Variants in ANKRD6 observed in about 807,000 individuals in gnomAD.
ANKRD6 encodes the protein ankyrin repeat domain-containing protein 6.
A neutral mutation model predicts 82.3 loss-of-function variants in ANKRD6; 56 were observed. The observed-to-expected ratio is 0.68, with a 90% CI of 0.55 to 0.85. The LOEUF is 0.85. Ranked by LOEUF, ANKRD6 falls within the 40% of genes least tolerant of loss-of-function variation. The pLI is 0.00. For synonymous variants in ANKRD6, 347 were observed against 352.1 expected (o/e 0.99, Z 0.16); for missense variants, 852 against 907.6 (o/e 0.94, Z 0.79).
At chr6:89,473,358 G>A (rs1261480206) in intron 1 of ANKRD6, among the ~76,000 whole-genome samples, 2 of 150,022 alleles carry the variant, frequency 1.3e-5, no homozygotes, top group Admixed American at 6.6e-5. Flanking sequence ...AGCCAAGATC[G>A]CACCATTGCA....
rs1446783437 is a variant in ANKRD6, at chr6:89,513,646, T to C, written c.-143-53188T>C. Among the ~76,000 whole-genome samples the C allele has an allele frequency of 3.3e-5, 5 of 152,192 alleles. No individual in the cohort carries two copies. In the East Asian group the frequency reaches 7.7e-4, roughly 23 times the overall value. On this transcript the variant is annotated intron_variant, in intron 1 of 15. Coordinates refer to ENST00000339746, the MANE Select transcript of ANKRD6 (RefSeq NM_001242809.2). The stretch of plus-strand genomic sequence containing the variant: ...TTGGTTGTTTTACAGTTTTAAAAAA[T>C]TATCTGTATTTTAAATTTCATTTTC...
Position 89,512,154 on chromosome 6 carries a change from A to C in ANKRD6, c.-143-54680A>C, listed in dbSNP as rs1055171843. Among the ~76,000 whole-genome samples, 3 of 152,172 alleles carry C rather than the reference A, an allele frequency of 2.0e-5. No homozygotes were observed. In the East Asian group the frequency reaches 5.8e-4, roughly 29 times the overall value. ...GAGAAGTCAACATGAAAGCAGTTAC[A>C]AGGTCATATGATAAGCCTGTATGGG... On this transcript the variant is annotated intron_variant, in intron 1 of 15. Transcript: ENST00000339746.
chr6:89,550,182 G>GTA (rs766814394), intron 1 of ANKRD6, among the ~76,000 whole-genome samples: 39 of 151,706 alleles, frequency 2.6e-4, no homozygotes, highest in Non-Finnish European at 4.1e-4. Flanking sequence ...GGTATATATG[G>GTA]TATATATATA....
chr6:89,482,336 C>A (rs1484183211), intron 1 of ANKRD6, among the ~76,000 whole-genome samples: 1 of 152,214 alleles, frequency 6.6e-6, no homozygotes, highest in Non-Finnish European at 1.5e-5. Flanking sequence ...TTTATAATTT[C>A]AGAAATGACT....
At chr6:89,612,786 A>AGTGAG (rs1800541226) in intron 6 of ANKRD6, among the ~76,000 whole-genome samples, 2 of 152,210 alleles carry the variant, frequency 1.3e-5, no homozygotes, top group South Asian at 4.1e-4. Flanking sequence ...CAGCATCTAT[A>AGTGAG]GCGAGCAGGT....
chr6:89,591,624 A>T (rs991852665), intron 2 of ANKRD6, among the ~76,000 whole-genome samples: 2 of 152,104 alleles, frequency 1.3e-5, no homozygotes, highest in Non-Finnish European at 2.9e-5. Context: ...TATGTGCTGG[A>T]TAGGGGCAGC....
chr6:89,456,845 T>G (rs79047740), intron 1 of ANKRD6, among the ~76,000 whole-genome samples: 8,737 of 152,254 alleles, frequency 0.057, 280 homozygotes, highest in South Asian at 0.13. Context: ...TACTAAGGCT[T>G]TCTAACAAAT....
chr6:89,563,492 G>A (rs1376740486), intron 1 of ANKRD6, among the ~76,000 whole-genome samples: 3 of 152,184 alleles, frequency 2.0e-5, no homozygotes, highest in African/African-American at 7.2e-5. Flanking sequence ...ATAGGCTTGG[G>A]GCAGAATACA....
chr6:89,491,099 T>A (rs1777960799), intron 1 of ANKRD6, among the ~76,000 whole-genome samples: 1 of 152,108 alleles, frequency 6.6e-6, no homozygotes, highest in African/African-American at 2.4e-5. Context: ...GGAAGGGTTC[T>A]CCCCAAGAGC....
intron 1 of ANKRD6, among the ~76,000 whole-genome samples, chr6:89,551,551 C>T (rs1785854114): frequency 1.3e-5 from 2 of 152,168 alleles, no homozygotes; most frequent in East Asian, 3.9e-4. Flanking sequence ...GACTGGGTTC[C>T]AGGCCCCTGA....
At chr6:89,615,742 C>T (rs1167093174) in intron 7 of ANKRD6, among the ~76,000 whole-genome samples, 1 of 150,972 alleles carries the variant, frequency 6.6e-6, no homozygotes, top group Non-Finnish European at 1.5e-5. Context: ...GCCTGATCAC[C>T]TGATAGGAGA....
At chr6:89,582,408 C>A (rs983307709) in intron 2 of ANKRD6, among the ~76,000 whole-genome samples, 8 of 152,138 alleles carry the variant, frequency 5.3e-5, no homozygotes, top group Non-Finnish European at 1.2e-4. Context: ...CCATGCTGGT[C>A]TTGAACTCCT....
chr6:89,557,433 A>G (rs963854470), intron 1 of ANKRD6, among the ~76,000 whole-genome samples: 5 of 152,144 alleles, frequency 3.3e-5, no homozygotes, highest in Non-Finnish European at 7.4e-5. Context: ...GGTTAGGAGA[A>G]TGAGGAGAGA....
intron 1 of ANKRD6, among the ~76,000 whole-genome samples, chr6:89,504,492 C>T (rs1779621627): frequency 1.3e-5 from 2 of 152,038 alleles, no homozygotes; most frequent in Admixed American, 1.3e-4. Flanking sequence ...CACCCTTGAA[C>T]TCCTGGGCTC....
At chr6:89,630,022 A>G (rs1247946222) in intron 15 of ANKRD6, among the ~76,000 whole-genome samples, 3 of 152,254 alleles carry the variant, frequency 2.0e-5, no homozygotes, top group Non-Finnish European at 4.4e-5. Context: ...ATAGGCCCAG[A>G]CATTAGAGAA....
intron 1 of ANKRD6, chr6:89,561,460 A>T (rs746150468): frequency 1.3e-5 from 2 of 152,214 alleles, no homozygotes; most frequent in Non-Finnish European, 2.9e-5. Flanking sequence ...GAGTGTCCTC[A>T]TAGGTAGTAC....
intron 1 of ANKRD6, among the ~76,000 whole-genome samples, chr6:89,436,547 G>A (rs1436552262): frequency 6.6e-6 from 1 of 152,150 alleles, no homozygotes; most frequent in Non-Finnish European, 1.5e-5. Flanking sequence ...CATTATGCTA[G>A]GTGAAATAAG....
At chr6:89,544,293 G>A (rs1231095128) in intron 1 of ANKRD6, among the ~76,000 whole-genome samples, 1 of 152,216 alleles carries the variant, frequency 6.6e-6, no homozygotes, top group African/African-American at 2.4e-5. Context: ...ACCAGCTTTA[G>A]GTGTCTGCCG....
intron 1 of ANKRD6, among the ~76,000 whole-genome samples, chr6:89,514,609 AT>A (rs1352642589): frequency 6.6e-6 from 1 of 152,184 alleles, no homozygotes; most frequent in African/African-American, 2.4e-5. Flanking sequence ...AGTTCACTTC[AT>A]TTCTATGATT....
Sources: allele counts gnomAD v4.1 joint callset (sites outside exome capture counted in the v4.1 genomes callset), GRCh38; gene constraint gnomAD v4.1.1; transcripts MANE v1.5; gene names NCBI Gene and HGNC (gene_info 2026-07-23, HGNC 2026-07-21).